LDB2: variants seen among roughly 807,000 people sequenced by gnomAD.
LDB2 encodes LIM domain binding 2, also known as LIM domain-binding protein 2.
In LDB2, 12 loss-of-function variants were observed where a neutral mutation model predicts 44.3. That is an observed-to-expected ratio of 0.27 (90% CI 0.17 to 0.44). The LOEUF (loss-of-function observed/expected upper bound fraction) is 0.44. Ranked by LOEUF, LDB2 falls within the 20% of genes least tolerant of loss-of-function variation. The pLI, the probability that LDB2 is intolerant of heterozygous loss-of-function variation, is 1.00. For missense variants in LDB2, 344 were observed against 473.5 expected (o/e 0.73, Z 2.54); for synonymous variants, 164 against 174.8 (o/e 0.94, Z 0.49).
At chr4:16,574,965 CTTA>C (rs1404141855) in intron 5 of LDB2, among the ~76,000 whole-genome samples, 1 of 151,902 alleles carries the variant, frequency 6.6e-6, no homozygotes, top group Non-Finnish European at 1.5e-5. Flanking sequence ...TTGTCTTCTT[CTTA>C]TTATTATTCC....
At chr4:16,650,230 A>G (rs1421506461) in intron 2 of LDB2, among the ~76,000 whole-genome samples, 1 of 152,206 alleles carries the variant, frequency 6.6e-6, no homozygotes, top group African/African-American at 2.4e-5. Flanking sequence ...AAATGGAGAT[A>G]ATGATAAAAC....
intron 2 of LDB2, among the ~76,000 whole-genome samples, chr4:16,664,082 T>A (rs759602010): frequency 1.3e-5 from 2 of 152,126 alleles, no homozygotes; most frequent in African/African-American, 4.8e-5. Context: ...AGTCTGAAGG[T>A]CTGTGTCCCC....
chr4:16,502,986 C>A, intron 7 of LDB2, 113 bp from the exon 8 acceptor site: 1 of 1,602,486 alleles, frequency 6.2e-7, no homozygotes, highest in Non-Finnish European at 8.5e-7. Context: ...GTGTACTGTA[C>A]AACGGGGTCA....
intron 2 of LDB2, among the ~76,000 whole-genome samples, chr4:16,757,416 T>A (rs367582598): frequency 6.6e-6 from 1 of 152,172 alleles, no homozygotes; most frequent in East Asian, 1.9e-4. Context: ...CTCCTGTTCA[T>A]GGAGATAAGA....
chr4:16,632,169 A>G (rs754523657), intron 2 of LDB2, among the ~76,000 whole-genome samples: 1 of 152,250 alleles, frequency 6.6e-6, no homozygotes, highest in African/African-American at 2.4e-5. Flanking sequence ...ATGAACATCA[A>G]TGCAAAAATC....
At chr4:16,807,705 T>C (rs1013162252) in intron 1 of LDB2, among the ~76,000 whole-genome samples, 1 of 152,198 alleles carries the variant, frequency 6.6e-6, no homozygotes, top group African/African-American at 2.4e-5. Flanking sequence ...GGTGTACCCT[T>C]TAAACATTGT....
At chr4:16,616,142 A>G (rs1402597058) in intron 2 of LDB2, among the ~76,000 whole-genome samples, 2 of 152,196 alleles carry the variant, frequency 1.3e-5, no homozygotes, top group African/African-American at 4.8e-5. Flanking sequence ...TTCCCCCACA[A>G]GAATACAAGC....
intron 7 of LDB2, among the ~76,000 whole-genome samples, chr4:16,505,498 C>G (rs567086125): frequency 6.6e-6 from 1 of 152,270 alleles, no homozygotes; most frequent in East Asian, 1.9e-4. Flanking sequence ...AGCCTCTAGA[C>G]TAGGATAGTG....
intron 5 of LDB2, among the ~76,000 whole-genome samples, chr4:16,542,471 C>T (rs1037699430): frequency 6.6e-6 from 1 of 152,098 alleles, no homozygotes; most frequent in African/African-American, 2.4e-5. Context: ...AGAACCTTCC[C>T]ATAGGCCGGA....
intron 7 of LDB2, chr4:16,503,221 A>G: frequency 8.2e-6 from 11 of 1,343,320 alleles, no homozygotes; most frequent in Non-Finnish European, 1.1e-5. Flanking sequence ...GGGCTGTGGA[A>G]CCTTCTGCTG....
At chr4:16,777,512 C>T (rs1365782849) in intron 1 of LDB2, among the ~76,000 whole-genome samples, 1 of 152,114 alleles carries the variant, frequency 6.6e-6, no homozygotes, top group Admixed American at 6.5e-5. Context: ...AGGGCTTGAA[C>T]CCCCATGCAG....
Position 16,859,694 on chromosome 4 carries a change from G to C in LDB2, c.132+38660C>G, listed in dbSNP as rs188584080. Among the ~76,000 whole-genome samples, 114 of 152,220 alleles carry C rather than the reference G, an allele frequency of 7.5e-4. 1 individual carries two copies. Among genetic ancestry groups the C allele is most frequent in the Admixed American group, 3.6e-3 (55 of 15,288 alleles). On this transcript the variant is annotated intron_variant, in intron 1 of 7. Transcript: ENST00000304523. ...GGCCATCTTTGTTTTATTGTAAATAGGATGCCCAAAGAGGAAGATGACTTT... is the reference window on the plus strand; with the variant it reads ...GGCCATCTTTGTTTTATTGTAAATACGATGCCCAAAGAGGAAGATGACTTT...
At chr4:16,738,975 T>C (rs1762417158) in intron 2 of LDB2, among the ~76,000 whole-genome samples, 1 of 152,158 alleles carries the variant, frequency 6.6e-6, no homozygotes, top group African/African-American at 2.4e-5. Context: ...TTCTGGAATA[T>C]GCCTCAAAAT....
intron 1 of LDB2, among the ~76,000 whole-genome samples, chr4:16,847,958 T>C (rs886170436): frequency 6.6e-6 from 1 of 152,166 alleles, no homozygotes; most frequent in African/African-American, 2.4e-5. Flanking sequence ...TCTGCTATAA[T>C]GCAAATGAAA....
chr4:16,896,207 G>A (rs1724951223), intron 1 of LDB2, among the ~76,000 whole-genome samples: 1 of 152,106 alleles, frequency 6.6e-6, no homozygotes, highest in Non-Finnish European at 1.5e-5. Context: ...TCTTCTCTTG[G>A]TTCTTGAGCT....
chr4:16,655,784 T>C (rs989589082), intron 2 of LDB2, among the ~76,000 whole-genome samples: 3 of 152,056 alleles, frequency 2.0e-5, no homozygotes, highest in African/African-American at 7.2e-5. Flanking sequence ...TAGACATGTG[T>C]ATTTCAAACA....
chr4:16,734,619 G>C (rs760833930), intron 2 of LDB2, among the ~76,000 whole-genome samples: 1 of 151,072 alleles, frequency 6.6e-6, no homozygotes, highest in Non-Finnish European at 1.5e-5. Context: ...CTCTGCCCCA[G>C]CCCCCTGGCC....
At chr4:16,872,202 A>G (rs944510461) in intron 1 of LDB2, among the ~76,000 whole-genome samples, 3 of 151,996 alleles carry the variant, frequency 2.0e-5, no homozygotes, top group African/African-American at 7.2e-5. Context: ...TGTATTTTGC[A>G]TGGGTCTCTA....
rs1259477821 is a variant in LDB2 at position 16,594,173 on chromosome 4, G to GA, written c.408+1529dup. Among the ~76,000 whole-genome samples the GA allele has an allele frequency of 7.1e-3, 1,030 of 144,186 alleles. 16 individuals carry two copies. Among genetic ancestry groups the GA allele is most frequent in the African/African-American group, 0.023 (925 of 39,408 alleles). 94.6% of individuals were successfully genotyped at this position (144,186 alleles called of 152,430 possible). ...ATAACATTAAGCCTAGAGGAAAAAA[G>GA]AAAAAAAAAACCAATAATGAAGGAG... On this transcript the variant is annotated intron_variant, in intron 3 of 7. Coordinates refer to ENST00000304523, the MANE Select transcript of LDB2 (RefSeq NM_001290.5).
Sources: allele counts gnomAD v4.1 joint callset (sites outside exome capture counted in the v4.1 genomes callset), GRCh38; gene constraint gnomAD v4.1.1; transcripts MANE v1.5; gene names NCBI Gene and HGNC (gene_info 2026-07-23, HGNC 2026-07-21).